Variants in KDM5A observed in about 807,000 individuals in gnomAD.
KDM5A encodes the protein lysine demethylase 5A.
KDM5A carries 42 observed loss-of-function variants against 193.5 expected under a neutral mutation model. That is an observed-to-expected ratio of 0.22 (90% CI 0.17 to 0.28). KDM5A has a LOEUF of 0.28. Ranked by LOEUF, KDM5A falls within the 10% of genes least tolerant of loss-of-function variation. The pLI is 1.00. For synonymous variants in KDM5A, 796 were observed against 718.1 expected, an observed-to-expected ratio of 1.11 and a Z score of -1.73; for missense variants, 1,692 against 2,055.1, an observed-to-expected ratio of 0.82 and a Z score of 3.42.
At position 297,038 on chromosome 12, in the gene KDM5A, T is replaced by G; in HGVS notation, c.4234+3A>C. Reference sequence around the variant, plus strand: ...TCCCCACAGTTTTTTAAAGGAGTAATACCTTGAGAACAACTCTTAGAAGCA... The same window carrying G: ...TCCCCACAGTTTTTTAAAGGAGTAAGACCTTGAGAACAACTCTTAGAAGCA... On this transcript the variant is annotated splice_donor_region_variant and intron_variant, in intron 25 of 27. Transcript: ENST00000399788. 6.2e-7 allele frequency: 1 copy of G among 1,613,732 alleles called. No individual in the cohort carries two copies. The highest frequency in any genetic ancestry group is 8.5e-7 in the Non-Finnish European group (1 of 1,179,904).
intron 10 of KDM5A, among the ~76,000 whole-genome samples, chr12:336,877 A>C (rs1943941163): frequency 6.6e-6 from 1 of 152,232 alleles, no homozygotes; most frequent in East Asian, 1.9e-4. Flanking sequence ...CATATATAAA[A>C]TTCCAAATAC....
chr12:346,484 C>G (rs1944077522), intron 10 of KDM5A, among the ~76,000 whole-genome samples: 1 of 152,162 alleles, frequency 6.6e-6, no homozygotes, highest in Non-Finnish European at 1.5e-5. Context: ...AGACCAATAT[C>G]CCTGATGAAC....
rs1055745005 is a variant in KDM5A, at chr12:293,152, C to A, written c.4473G>T (p.Glu1491Asp). Residue 1491 changes from glutamate to aspartate, a missense_variant, in exon 27 of 28, where the codon GAG (glutamate) becomes GAT (aspartate). By Grantham distance (45) the Glu-to-Asp change is conservative (BLOSUM62 2). Coordinates refer to ENST00000399788, the MANE Select transcript of KDM5A (RefSeq NM_001042603.3). ...CCTTTCCTTTCACTTTTAGTGGTTT[C>A]TCTTCCATGCTGTCATCCTTCAAAA... ...LHIMEDDSME[E>D]KPLKVKGKDS... is the part of the protein sequence containing the mutation. The A allele has an allele frequency of 4.3e-6, 7 of 1,611,634 alleles. No individual in the cohort carries two copies. In the African/African-American group the frequency reaches 9.4e-5, roughly 22 times the overall value.
At position 283,334 on chromosome 12, in the gene KDM5A, A is replaced by T. The variant is rs1007502495; in HGVS notation, c.*2122T>A. ...TGGCAAAACGAAAACTTATGAAATC[A>T]GTTAATTAGTTACCTTGCAATATCC... is the stretch of plus-strand genomic sequence containing the variant. On this transcript the variant is annotated 3_prime_UTR_variant, in exon 28 of 28. Coordinates refer to ENST00000399788, the MANE Select transcript of KDM5A (RefSeq NM_001042603.3). 4.3e-6 allele frequency: 1 copy of T among 232,292 alleles called. No homozygotes were observed. Among genetic ancestry groups the T allele is most frequent in the African/African-American group, 2.2e-5 (1 of 45,312 alleles). 14.4% of individuals were successfully genotyped at this position (232,292 alleles called of 1,614,324 possible).
At chr12:370,619 T>C (rs1944415249) in intron 3 of KDM5A, among the ~76,000 whole-genome samples, 1 of 152,164 alleles carries the variant, frequency 6.6e-6, no homozygotes, top group Non-Finnish European at 1.5e-5. Flanking sequence ...GACTTTTTTT[T>C]TTTTTAATTA....
chr12:344,558 A>G (rs1318923902), intron 10 of KDM5A, among the ~76,000 whole-genome samples: 1 of 152,254 alleles, frequency 6.6e-6, no homozygotes, highest in African/African-American at 2.4e-5. Flanking sequence ...TCAGACTAAC[A>G]GCGGATCTCT....
chr12:363,263 T>C (rs1944315197), intron 4 of KDM5A, among the ~76,000 whole-genome samples, 166 bp from the exon 5 acceptor site: 2 of 152,208 alleles, frequency 1.3e-5, no homozygotes, highest in Non-Finnish European at 2.9e-5. Context: ...GGCTTTTTGT[T>C]GTTGTTAAAA....
chr12:310,582 C>T (rs890405409), intron 21 of KDM5A, among the ~76,000 whole-genome samples: 5 of 151,976 alleles, frequency 3.3e-5, no homozygotes, highest in African/African-American at 1.2e-4. Context: ...TGCAGTGGGC[C>T]GAGACTGCAC....
chr12:381,971 T>C (rs533447852), intron 3 of KDM5A, among the ~76,000 whole-genome samples: 1 of 152,092 alleles, frequency 6.6e-6, no homozygotes, highest in South Asian at 2.1e-4. Flanking sequence ...CATGCCAGGA[T>C]TATTTATTTT....
chr12:374,248 T>G (rs1015132785), intron 3 of KDM5A, among the ~76,000 whole-genome samples: 1 of 152,220 alleles, frequency 6.6e-6, no homozygotes, highest in African/African-American at 2.4e-5. Context: ...GGACTTGCTT[T>G]AGGAATCTGG....
In KDM5A at chr12:374,130, T is replaced by C. The variant is rs570243874; in HGVS notation, c.367-8026A>G. 1.2e-4 allele frequency among the ~76,000 whole-genome samples: 19 copies of C among 152,298 alleles called. No homozygotes were observed. In the East Asian group the frequency reaches 3.3e-3, roughly 26 times the overall value. On this transcript the variant is annotated intron_variant, in intron 3 of 27. Transcript: ENST00000399788. ...TGCAGAGCTGATTTCAATTCCTGGA[T>C]ATCCTTGTTAACTTTCTGTCTCGTT...
At chr12:362,932 A>T (rs768538827) in intron 5 of KDM5A, 31 bp downstream of exon 5, 3 of 1,608,812 alleles carry the variant, frequency 1.9e-6, no homozygotes, top group Non-Finnish European at 2.6e-6. Flanking sequence ...ATCTTTATTT[A>T]AAAATTTAAA....
rs1943197081 is a variant in KDM5A at position 284,654 on chromosome 12, G to C, written c.*802C>G. The C allele has an allele frequency of 8.6e-6, 2 of 231,676 alleles. No homozygotes were observed. Among genetic ancestry groups the C allele is most frequent in the Non-Finnish European group, 1.7e-5 (2 of 117,314 alleles). The allele number at this position is 231,676 out of a possible 1,614,324, so 14.4% of individuals were successfully genotyped here. A position where few individuals can be genotyped will look rare whatever the true frequency, so the allele number is the denominator to read the frequency against. ...TCTTCTTCTCTTTTTTTTTTTGGCA[G>C]AAGCCTGGATCCATGTACCTGCTCT... On this transcript the variant is annotated 3_prime_UTR_variant, in exon 28 of 28. Transcript: ENST00000399788.
intron 20 of KDM5A, 147 bp from the exon 21 acceptor site, chr12:311,211 T>C: frequency 1.4e-6 from 1 of 714,410 alleles, no homozygotes; most frequent in Non-Finnish European, 2.4e-6. Context: ...TTAATATAAC[T>C]TCCAATGTCC....
At chr12:362,914 G>T in intron 5 of KDM5A, 49 bp downstream of exon 5, 3 of 1,568,900 alleles carry the variant, frequency 1.9e-6, no homozygotes, top group Non-Finnish European at 2.6e-6. Flanking sequence ...GCAACATCAG[G>T]AGACTACATC....
chr12:388,999 A>C lies in KDM5A; in HGVS notation c.93T>G (p.Asp31Glu). The C allele has an allele frequency of 6.2e-7, 1 of 1,611,870 alleles. No homozygotes were observed. Among genetic ancestry groups the C allele is most frequent in the South Asian group, 1.1e-5 (1 of 91,050 alleles). Residue 31 changes from aspartate to glutamate, a missense_variant, in exon 1 of 28, where the codon GAT (aspartate) becomes GAG (glutamate). Around this residue, in one of 11 missense-constraint regions of KDM5A, gnomAD observed 84 missense variants for 68.2 expected, o/e 1.23. Transcript: ENST00000399788. ...VFEPSWEEFT[D>E]PLSFIGRIRP... ...GGATGCGGCCGATAAAGCTGAGCGG[A>C]TCTGTGAACTCCTCCCAACTCGGCT...
At chr12:324,973 G>A (rs1426535834) in intron 14 of KDM5A, among the ~76,000 whole-genome samples, 1 of 152,042 alleles carries the variant, frequency 6.6e-6, no homozygotes, top group African/African-American at 2.4e-5. Flanking sequence ...ACTTGATTGA[G>A]CAAGTTACTT....
At chr12:330,733 G>A (rs2137421446) in intron 13 of KDM5A, among the ~76,000 whole-genome samples, 1 of 152,094 alleles carries the variant, frequency 6.6e-6, no homozygotes, top group East Asian at 1.9e-4. Flanking sequence ...CAAAATTACT[G>A]GAGCAAGTAA....
At chr12:386,022 G>A in intron 1 of KDM5A, 48 bp from the exon 2 acceptor site, 1 of 1,420,858 alleles carries the variant, frequency 7.0e-7, no homozygotes, top group Non-Finnish European at 9.9e-7. Context: ...TGTAAACAAG[G>A]AATGCATTAA....
Sources: allele counts gnomAD v4.1 joint callset (sites outside exome capture counted in the v4.1 genomes callset), GRCh38; gene constraint gnomAD v4.1.1; regional missense constraint gnomAD v4.1.1; transcripts MANE v1.5; gene names NCBI Gene and HGNC (gene_info 2026-07-23, HGNC 2026-07-21).